The following STPG2 variants were observed in gnomAD, a reference collection of about 807,000 sequenced individuals.
STPG2 encodes the protein sperm-tail PG-rich repeat-containing protein 2.
Under a neutral mutation model 54.2 loss-of-function variants are expected in STPG2, and 56 were observed. That is an observed-to-expected ratio of 1.03 (90% CI 0.83 to 1.29). The LOEUF is 1.29. Ranked by LOEUF, STPG2 falls within the 50% of genes most tolerant of loss-of-function variation. STPG2 has a pLI of 0.00. For missense variants in STPG2, 596 were observed against 544.9 expected (o/e 1.09, Z -0.93); for synonymous variants, 200 against 181.8 (o/e 1.10, Z -0.81).
intron 10 of STPG2, among the ~76,000 whole-genome samples, chr4:97,628,444 A>G (rs1157396162): frequency 6.6e-6 from 1 of 152,156 alleles, no homozygotes; most frequent in African/African-American, 2.4e-5. Context: ...AAATATTACC[A>G]AAACTAAACT....
At position 97,972,384 on chromosome 4, in the gene STPG2, A is replaced by C. The variant is rs373513497; in HGVS notation, c.829T>G (p.Cys277Gly). The C allele has an allele frequency of 6.2e-7, 1 of 1,608,054 alleles. No homozygotes were observed. Among genetic ancestry groups the C allele is most frequent in the Admixed American group, 1.7e-5 (1 of 59,450 alleles). Residue 277 changes from cysteine to glycine, a missense_variant, in exon 7 of 11, where the codon TGC (cysteine) becomes GGC (glycine). By Grantham distance (159) the Cys-to-Gly change is radical (BLOSUM62 -3). Transcript: ENST00000295268. ...GCACTTTTCTTCTGTTTCTTTGAGC[A>C]GATATTTCTAACACTGGCAATTATA... ...NTIIASVRNI[C>G]SKKQKKSAFG...
At chr4:97,490,662 C>T (rs1730484507) in intron 4 of STPG2, among the ~76,000 whole-genome samples, 1 of 151,648 alleles carries the variant, frequency 6.6e-6, no homozygotes, top group Admixed American at 6.6e-5. Context: ...GTACTGTCTG[C>T]ATGTATAGGT....
chr4:97,580,959 C>A (rs144252271), intron 10 of STPG2, among the ~76,000 whole-genome samples: 1 of 151,868 alleles, frequency 6.6e-6, no homozygotes, highest in African/African-American at 2.4e-5. Flanking sequence ...GTTTTTTAAT[C>A]AGAAAAAATA....
chr4:97,615,227 A>C (rs1733829536), intron 10 of STPG2, among the ~76,000 whole-genome samples: 1 of 152,148 alleles, frequency 6.6e-6, no homozygotes, highest in Non-Finnish European at 1.5e-5. Flanking sequence ...TTAATGCCTC[A>C]AACTAGATCT....
intron 9 of STPG2, among the ~76,000 whole-genome samples, chr4:97,788,408 T>G (rs1180350007): frequency 6.6e-6 from 1 of 152,120 alleles, no homozygotes; most frequent in African/African-American, 2.4e-5. Context: ...CAAGATCTCA[T>G]TCTTTTTCAT....
chr4:97,796,880 G>C (rs1727202482), intron 9 of STPG2, among the ~76,000 whole-genome samples: 1 of 152,112 alleles, frequency 6.6e-6, no homozygotes, highest in Non-Finnish European at 1.5e-5. Flanking sequence ...TTGAGCACTG[G>C]TTTGTAGTTC....
At chr4:97,834,368 C>G (rs904489626) in intron 9 of STPG2, among the ~76,000 whole-genome samples, 1 of 151,654 alleles carries the variant, frequency 6.6e-6, no homozygotes, top group Non-Finnish European at 1.5e-5. Flanking sequence ...TGGGGTGGGG[C>G]GCTAGGGGAG....
chr4:97,850,383 A>G lies in STPG2; in HGVS notation c.1045-9451T>C, dbSNP rs189483232. ...GAGCAAAAAAAGAAAAAAGAAAAAG[A>G]AAACTTAATGTATACTTCTTATGAT... is the stretch of plus-strand genomic sequence containing the variant. On this transcript the variant is annotated intron_variant, in intron 8 of 10. Coordinates refer to ENST00000295268, the MANE Select transcript of STPG2 (RefSeq NM_174952.3). Among the ~76,000 whole-genome samples, 944 of 151,744 alleles carry G rather than the reference A, an allele frequency of 6.2e-3. 6 individuals carry two copies. The highest frequency in any genetic ancestry group is 0.01 in the Non-Finnish European group (696 of 67,904).
intron 3 of STPG2, among the ~76,000 whole-genome samples, chr4:98,122,773 T>A (rs1434093848): frequency 6.6e-6 from 1 of 152,206 alleles, no homozygotes; most frequent in Non-Finnish European, 1.5e-5. Flanking sequence ...CTCCTCTTTG[T>A]ACCTCTAGTA....
At chr4:97,675,072 C>T (rs1356016464) in intron 10 of STPG2, among the ~76,000 whole-genome samples, 2 of 152,038 alleles carry the variant, frequency 1.3e-5, no homozygotes, top group Admixed American at 6.6e-5. Flanking sequence ...GGTGCAACCT[C>T]GACTGACCGC....
chr4:98,098,132 A>T (rs1231922372), intron 5 of STPG2, among the ~76,000 whole-genome samples: 1 of 152,150 alleles, frequency 6.6e-6, no homozygotes, highest in Non-Finnish European at 1.5e-5. Flanking sequence ...ACATCCTAAA[A>T]TGTATGTGGA....
At chr4:97,773,096 AT>A (rs1726266241) in intron 9 of STPG2, among the ~76,000 whole-genome samples, 1 of 152,164 alleles carries the variant, frequency 6.6e-6, no homozygotes, top group South Asian at 2.1e-4. Flanking sequence ...GTCAACAAAC[AT>A]TTTTATATGC....
chr4:97,456,891 C>CAAAAAAAAAAAAAAAAAAAAA (rs57563048), intron 4 of STPG2, among the ~76,000 whole-genome samples: 10 of 48,870 alleles, frequency 2.0e-4, no homozygotes, highest in African/African-American at 1.0e-3. Flanking sequence ...TGCTCCGTCT[C>CAAAAAAAAAAAAAAAAAAAAA]AAAAAAAAAA....
chr4:97,987,679 CCTT>C (rs1184310639), intron 5 of STPG2, among the ~76,000 whole-genome samples: 1 of 152,012 alleles, frequency 6.6e-6, no homozygotes, highest in African/African-American at 2.4e-5. Flanking sequence ...AAGAATTACT[CCTT>C]GAGTTACTAA....
chr4:98,138,284 G>A (rs1740188839), intron 1 of STPG2, among the ~76,000 whole-genome samples: 1 of 151,982 alleles, frequency 6.6e-6, no homozygotes, highest in Non-Finnish European at 1.5e-5. Context: ...TTTGATATGG[G>A]ACATATGGAT....
At chr4:97,958,865 C>T (rs1468066294) in intron 7 of STPG2, among the ~76,000 whole-genome samples, 3 of 152,158 alleles carry the variant, frequency 2.0e-5, no homozygotes, top group Admixed American at 1.3e-4. Flanking sequence ...TGCCCTATGA[C>T]AAATGGACTT....
intron 7 of STPG2, among the ~76,000 whole-genome samples, chr4:97,958,699 T>C (rs1188572734): frequency 1.3e-5 from 2 of 152,142 alleles, no homozygotes; most frequent in African/African-American, 2.4e-5. Flanking sequence ...ATGCATCTAA[T>C]ACTGGAGCTC....
intron 9 of STPG2, among the ~76,000 whole-genome samples, chr4:97,768,468 G>A (rs1380230091): frequency 6.6e-6 from 1 of 152,166 alleles, no homozygotes; most frequent in African/African-American, 2.4e-5. Context: ...TTTATGCTGA[G>A]TGGGGTGGCC....
At chr4:97,640,078 T>C (rs1721714218) in intron 10 of STPG2, among the ~76,000 whole-genome samples, 1 of 152,028 alleles carries the variant, frequency 6.6e-6, no homozygotes, top group Admixed American at 6.6e-5. Flanking sequence ...ATGGGCTTAG[T>C]AGGAAATCTA....
Sources: allele counts gnomAD v4.1 joint callset (sites outside exome capture counted in the v4.1 genomes callset), GRCh38; gene constraint gnomAD v4.1.1; transcripts MANE v1.5; gene names NCBI Gene and HGNC (gene_info 2026-07-23, HGNC 2026-07-21).